Variants in BCL6B observed in about 807,000 individuals in gnomAD.
BCL6B encodes the protein BCL6B transcription repressor.
BCL6B carries 28 observed loss-of-function variants against 44.6 expected under a neutral mutation model. The ratio of observed to expected loss-of-function variants is 0.63; its 90% CI spans 0.47 to 0.86. The LOEUF is 0.86. BCL6B is among the 40% of genes least tolerant of loss of function. The pLI is 0.00. For missense variants in BCL6B, 626 were observed against 652.3 expected (o/e 0.96, Z 0.44); for synonymous variants, 268 against 263.6 (o/e 1.02, Z -0.16).
chr17:7,026,218 C>T (rs527316305), intron 5 of BCL6B, among the ~76,000 whole-genome samples: 1 of 152,306 alleles, frequency 6.6e-6, no homozygotes, highest in East Asian at 1.9e-4. Context: ...CCGTACCTGG[C>T]CCCCACCACT....
rs1231969592 is a variant in BCL6B, at chr17:7,028,127, A to G, written c.*508A>G. On this transcript the variant is annotated 3_prime_UTR_variant, in exon 9 of 9. Coordinates refer to ENST00000293805, the MANE Select transcript of BCL6B (RefSeq NM_181844.4). ...CTCTCGTTTGGCTTGGGTATTTTAT[A>G]TTATTTCTGTCATAACTTTTATCTT... 1.3e-5 allele frequency: 13 copies of G among 986,542 alleles called. No individual in the cohort carries two copies. The highest frequency in any genetic ancestry group is 1.6e-5 in the Non-Finnish European group (13 of 830,746). 61.1% of individuals were successfully genotyped at this position (986,542 alleles called of 1,614,324 possible).
At chr17:7,026,342 T>C (rs2151664092) in intron 5 of BCL6B, 115 bp from the exon 6 acceptor site, 1 of 1,372,728 alleles carries the variant, frequency 7.3e-7, no homozygotes, top group East Asian at 2.3e-5. Flanking sequence ...GCCCCAGAAG[T>C]CTTAACAATA....
chr17:7,025,127 T>G lies in BCL6B; in HGVS notation c.816T>G (p.Ser272Arg). The stretch of plus-strand genomic sequence containing the variant: ...AGTTCAAATGTGGGGCTCCAGCCAG[T>G]ACCCCCTACCTCCTCACATCCCAGG... ...TVQFKCGAPA[S>R]TPYLLTSQAQ... The change falls in exon 5 of 9, where the codon AGT becomes AGG. Residue 272 changes from serine to arginine, a missense_variant. Physicochemically the swap from Ser to Arg is moderately radical, Grantham distance 110. Coordinates refer to ENST00000293805, the MANE Select transcript of BCL6B (RefSeq NM_181844.4). 1.9e-6 allele frequency: 3 copies of G among 1,614,130 alleles called. No individual in the cohort carries two copies. The highest frequency in any genetic ancestry group is 1.7e-6 in the Non-Finnish European group (2 of 1,179,988).
Position 7,027,551 on chromosome 17 carries a change from C to T in BCL6B, c.1372C>T (p.His458Tyr). The T allele has an allele frequency of 6.2e-7, 1 of 1,613,870 alleles. No homozygotes were observed. The highest frequency in any genetic ancestry group is 1.6e-4 in the Middle Eastern group (1 of 6,062). The change falls in exon 9 of 9, where the codon CAT becomes TAT. Residue 458 changes from histidine (H) to tyrosine (Y), a missense_variant. His to Tyr is a moderately conservative substitution (Grantham distance 83). Coordinates refer to ENST00000293805, the MANE Select transcript of BCL6B (RefSeq NM_181844.4). Reference protein sequence around the residue: ...HFRHKSQLRLHLRQKHGAATN... With the variant: ...HFRHKSQLRLYLRQKHGAATN... Reference sequence around the variant, plus strand: ...CCGGCACAAGAGTCAACTGCGGCTGCATCTGCGCCAGAAACACGGAGCTGC... The same window carrying T: ...CCGGCACAAGAGTCAACTGCGGCTGTATCTGCGCCAGAAACACGGAGCTGC...
chr17:7,026,934 G>A lies in BCL6B; in HGVS notation c.1186-16G>A. The A allele has an allele frequency of 6.2e-7, 1 of 1,611,828 alleles. No individual in the cohort carries two copies. The highest frequency in any genetic ancestry group is 8.5e-7 in the Non-Finnish European group (1 of 1,179,892). On this transcript the variant is annotated splice_polypyrimidine_tract_variant and intron_variant, in intron 7 of 8. Transcript: ENST00000293805. ...GTTCCTCCCAGAGGCAGGACTTGAA[G>A]TCTCCTCCCTCCCAGGTGGCACATC... is the stretch of plus-strand genomic sequence containing the variant.
chr17:7,024,741 C>A lies in BCL6B; in HGVS notation c.742C>A (p.Pro248Thr), dbSNP rs763131194. The change falls in exon 4 of 9, where the codon CCC (proline) becomes ACC (threonine). Residue 248 changes from proline (P) to threonine (T), a missense_variant. Pro to Thr is a conservative substitution (Grantham distance 38). Coordinates refer to ENST00000293805, the MANE Select transcript of BCL6B (RefSeq NM_181844.4). The surrounding 1 kb of genome is among the most constrained non-coding windows in gnomAD (Gnocchi z 6.6). ...SSSSSSSEEG[P>T]IPGPQSRLSP... is the part of the protein sequence containing the mutation. ...CAGCAGCAGCAGCAGTGAAGAAGGA[C>A]CCATTCCTGGTCCCCAGAGCAGGTA... 1.2e-6 allele frequency: 2 copies of A among 1,611,082 alleles called. No homozygotes were observed. The highest frequency in any genetic ancestry group is 2.7e-5 in the African/African-American group (2 of 74,402).
intron 6 of BCL6B, 22 bp from the exon 7 acceptor site, chr17:7,026,683 C>G (rs377732975): frequency 1.2e-6 from 2 of 1,614,122 alleles, no homozygotes; most frequent in South Asian, 1.1e-5. Context: ...AGTCCCTGAT[C>G]TCCCATGTTC....
chr17:7,023,997 C>CT, intron 2 of BCL6B, 86 bp from the exon 3 acceptor site: 1 of 1,541,060 alleles, frequency 6.5e-7, no homozygotes, highest in Admixed American at 1.8e-5. Flanking sequence ...GGAGGCGGGA[C>CT]TTTTTCAGGG....
Position 7,028,906 on chromosome 17 carries a change from T to A in BCL6B, c.*1287T>A, listed in dbSNP as rs1910379774. The A allele has an allele frequency of 1.0e-6, 1 of 985,326 alleles. No individual in the cohort carries two copies. The highest frequency in any genetic ancestry group is 1.7e-5 in the African/African-American group (1 of 57,232). The allele number at this position is 985,326 out of a possible 1,614,324, so 61.0% of individuals were successfully genotyped here. On this transcript the variant is annotated 3_prime_UTR_variant, in exon 9 of 9. Coordinates refer to ENST00000293805, the MANE Select transcript of BCL6B (RefSeq NM_181844.4). Reference sequence around the variant, plus strand: ...GGTTTTGGACATCTTCTGGCAAGTGTCCAGATGCCAGAACCTTCTTTTCCT... The same window carrying A: ...GGTTTTGGACATCTTCTGGCAAGTGACCAGATGCCAGAACCTTCTTTTCCT...
In BCL6B at chr17:7,027,134, T is replaced by C. The variant is rs1459085392; in HGVS notation, c.1323+47T>C. On this transcript the variant is annotated intron_variant, in intron 8 of 8. Transcript: ENST00000293805. Reference sequence around the variant, plus strand: ...CCCACTGCCTTAGAATTACCTCTCCTTTGCCTAGGGGTGGGCTCTGAGAGG... The same window carrying C: ...CCCACTGCCTTAGAATTACCTCTCCCTTGCCTAGGGGTGGGCTCTGAGAGG... 8.1e-6 allele frequency: 13 copies of C among 1,608,782 alleles called. No individual in the cohort carries two copies. In the African/African-American group the frequency reaches 1.6e-4, roughly 20 times the overall value.
intron 4 of BCL6B, 54 bp from the exon 5 acceptor site, chr17:7,025,022 C>T: frequency 1.3e-6 from 2 of 1,582,758 alleles, no homozygotes; most frequent in Non-Finnish European, 1.7e-6. Flanking sequence ...AGGAGAGAAC[C>T]CCCACCCCTC....
rs1220545845 is a variant in BCL6B, at chr17:7,023,774, G to A, written c.103G>A (p.Gly35Arg). 2 of 1,613,202 alleles carry A rather than the reference G, an allele frequency of 1.2e-6. No homozygotes were observed. Among genetic ancestry groups the A allele is most frequent in the Admixed American group, 1.7e-5 (1 of 60,006 alleles). ...CAACCTCAACGAGCTGCGCCTGCGC[G>A]GGATCCTCACTGACGTCACGCTGCT... ...LGNLNELRLR[G>R]ILTDVTLLVG... The change falls in exon 2 of 9, where the codon GGG (glycine) becomes AGG (arginine). Residue 35 changes from glycine to arginine, a missense_variant. By Grantham distance (125) the Gly-to-Arg change is moderately radical (BLOSUM62 -2). Coordinates refer to ENST00000293805, the MANE Select transcript of BCL6B (RefSeq NM_181844.4).
chr17:7,025,336 C>T, intron 5 of BCL6B, 136 bp downstream of exon 5: 1 of 1,241,326 alleles, frequency 8.1e-7, no homozygotes, highest in Non-Finnish European at 1.1e-6. Context: ...AGCTTTTAAA[C>T]TCCCACTGCC....
At position 7,028,630 on chromosome 17, in the gene BCL6B, C is replaced by T. The variant is rs1045139943; in HGVS notation, c.*1011C>T. 24 of 985,324 alleles carry T rather than the reference C, an allele frequency of 2.4e-5. No individual in the cohort carries two copies. Among genetic ancestry groups the T allele is most frequent in the East Asian group, 2.3e-4 (2 of 8,828 alleles). The allele number at this position is 985,324 out of a possible 1,614,324, so 61.0% of individuals were successfully genotyped here. A position where few individuals can be genotyped will look rare whatever the true frequency, so the allele number is the denominator to read the frequency against. ...TCAAGTGGAGTCCATCATCCTCCCA[C>T]GGGGGCCTGTTCTTAGCACTGAGTT... On this transcript the variant is annotated 3_prime_UTR_variant, in exon 9 of 9. Transcript: ENST00000293805.
rs777566335 is a variant in BCL6B at position 7,024,680 on chromosome 17, C to T, written c.681C>T (p.Leu227=). The T allele has an allele frequency of 4.3e-6, 7 of 1,610,284 alleles. No homozygotes were observed. The South Asian group carries it at 5.5e-5, about 13-fold the overall frequency. ...GTCAACCTTGCCCCCAAGCCAGGCT[C>T]CCCAGTGGAGACGAGGCCTCCAGCA... ...SSGQPCPQAR[L]PSGDEASSSS... is the part of the protein sequence containing the mutation. The change falls in exon 4 of 9, where the codon CTC becomes CTT. Residue 227 remains leucine, a synonymous_variant. Coordinates refer to ENST00000293805, the MANE Select transcript of BCL6B (RefSeq NM_181844.4). The surrounding 1 kb of genome is among the most constrained non-coding windows in gnomAD (Gnocchi z 6.6).
At chr17:7,025,331 T>C (rs1910255740) in intron 5 of BCL6B, 131 bp downstream of exon 5, 1 of 1,304,686 alleles carries the variant, frequency 7.7e-7, no homozygotes, top group African/African-American at 1.5e-5. Flanking sequence ...TAGGAAGCTT[T>C]TAAACTCCCA....
chr17:7,024,625 C>T lies in BCL6B; in HGVS notation c.626C>T (p.Ala209Val). ...YIVLNSQASQAGSLVGERSSG... is the reference protein window; with the variant it reads ...YIVLNSQASQVGSLVGERSSG... ...GTGCTAAACTCTCAGGCCTCCCAAG[C>T]AGGGAGCCTGGTCGGGGAGAGAAGT... Residue 209 changes from alanine (A) to valine (V), a missense_variant, in exon 4 of 9, where the codon GCA becomes GTA. By Grantham distance (64) the Ala-to-Val change is moderately conservative (BLOSUM62 0). Coordinates refer to ENST00000293805, the MANE Select transcript of BCL6B (RefSeq NM_181844.4). The surrounding 1 kb of genome is among the most constrained non-coding windows in gnomAD (Gnocchi z 6.6). The T allele has an allele frequency of 6.2e-7, 1 of 1,614,152 alleles. No homozygotes were observed. The highest frequency in any genetic ancestry group is 1.3e-5 in the African/African-American group (1 of 75,034).
At position 7,026,830 on chromosome 17, in the gene BCL6B, G is replaced by A. The variant is rs772711085; in HGVS notation, c.1180G>A (p.Val394Ile). 2.5e-6 allele frequency: 4 copies of A among 1,613,812 alleles called. No individual in the cohort carries two copies. In the South Asian group the frequency reaches 3.3e-5, roughly 13 times the overall value. The change falls in exon 7 of 9, where the codon GTA becomes ATA. Residue 394 changes from valine to isoleucine, a missense_variant. Coordinates refer to ENST00000293805, the MANE Select transcript of BCL6B (RefSeq NM_181844.4). ...GTGTGAGACGTGCGGCTCGCGCTTT[G>A]TACAGGTACGGAGCCAGCCTCCAAG... ...YKCETCGSRF[V>I]QVAHLRAHVL... is the part of the protein sequence containing the mutation.
chr17:7,027,567 A>G lies in BCL6B; in HGVS notation c.1388A>G (p.His463Arg). ...CTGCGGCTGCATCTGCGCCAGAAAC[A>G]CGGAGCTGCTACCAACACCAAAGTG... ...SQLRLHLRQKHGAATNTKVHY... is the reference protein window; with the variant it reads ...SQLRLHLRQKRGAATNTKVHY... The change falls in exon 9 of 9, where the codon CAC becomes CGC. Residue 463 changes from histidine to arginine, a missense_variant. Transcript: ENST00000293805. The G allele has an allele frequency of 1.2e-6, 2 of 1,613,430 alleles. No individual in the cohort carries two copies. Among genetic ancestry groups the G allele is most frequent in the Non-Finnish European group, 8.5e-7 (1 of 1,179,952 alleles).
Sources: gnomAD v4.1 joint callset for allele counts (sites outside exome capture counted in the v4.1 genomes callset) on GRCh38, gnomAD v4.1.1 for gene constraint, Gnocchi (gnomAD v3.1) non-coding constraint, MANE v1.5 for transcripts, NCBI Gene and HGNC (gene_info 2026-07-23, HGNC 2026-07-21) for gene names.